TVP23A: variants seen among roughly 807,000 people sequenced by gnomAD.
TVP23A encodes the protein Golgi apparatus membrane protein TVP23 homolog A.
Under a neutral mutation model 31.7 loss-of-function variants are expected in TVP23A, and 21 were observed. The observed-to-expected ratio is 0.66, with a 90% CI of 0.47 to 0.95. The LOEUF is 0.95. Among genes scored for constraint, TVP23A ranks in the 40% least tolerant of loss-of-function variants. The pLI, the probability that TVP23A is intolerant of heterozygous loss-of-function variation, is 0.00. For synonymous variants in TVP23A, 104 were observed against 96.0 expected, an observed-to-expected ratio of 1.08 and a Z score of -0.49; for missense variants, 279 against 255.6, an observed-to-expected ratio of 1.09 and a Z score of -0.62.
chr16:10,790,218 A>C (rs2033020349), intron 2 of TVP23A, among the ~76,000 whole-genome samples: 1 of 152,024 alleles, frequency 6.6e-6, no homozygotes, highest in Non-Finnish European at 1.5e-5. Flanking sequence ...ATTTTCCCCC[A>C]CAAAGAATGG....
intron 2 of TVP23A, among the ~76,000 whole-genome samples, chr16:10,809,887 G>A (rs759729193): frequency 6.6e-6 from 1 of 152,218 alleles, no homozygotes; most frequent in African/African-American, 2.4e-5. Flanking sequence ...CTAGGTATGT[G>A]CCCAAAAGAA....
At position 10,767,357 on chromosome 16, in the gene TVP23A, A is replaced by C. The variant is rs2031041862; in HGVS notation, c.*1745T>G. The C allele has an allele frequency of 5.0e-6, 2 of 399,636 alleles. No individual in the cohort carries two copies. The highest frequency in any genetic ancestry group is 8.8e-6 in the Non-Finnish European group (2 of 226,926). 24.8% of individuals were successfully genotyped at this position (399,636 alleles called of 1,614,324 possible). ...GGCCACATGGCGGGGAAAGACTAGC[A>C]GACTGATAGACACCAGCACAGATGA... On this transcript the variant is annotated 3_prime_UTR_variant, in exon 8 of 8. Coordinates refer to ENST00000299866, the MANE Select transcript of TVP23A (RefSeq NM_001079512.4). The surrounding 1 kb of genome is among the most constrained non-coding windows in gnomAD (Gnocchi z 4.6).
At position 10,792,909 on chromosome 16, in the gene TVP23A, T is replaced by G. The variant is rs191868716; in HGVS notation, c.90-17813A>C. Among the ~76,000 whole-genome samples, 320 of 152,346 alleles carry G rather than the reference T, an allele frequency of 2.1e-3. 1 individual carries two copies. Among genetic ancestry groups the G allele is most frequent in the African/African-American group, 7.3e-3 (303 of 41,578 alleles). ...ATTCAAAGGTCAGCACAATAGAGGT[T>G]TATGTGTAGAAGTGAATAAAAGAAC... On this transcript the variant is annotated intron_variant, in intron 2 of 7. Coordinates refer to ENST00000299866, the MANE Select transcript of TVP23A (RefSeq NM_001079512.4).
Position 10,767,897 on chromosome 16 carries a change from C to A in TVP23A, c.*1205G>T. On this transcript the variant is annotated 3_prime_UTR_variant, in exon 8 of 8. Transcript: ENST00000299866. This position sits in a 1 kb window ranked among gnomAD's most constrained non-coding sequence, Gnocchi z 4.6. ...GGAAAGAGCCCCAAGATCTTGTGGCCATTCTGTTTTCCTCTTGGACTGAAT... is the reference window on the plus strand; with the variant it reads ...GGAAAGAGCCCCAAGATCTTGTGGCAATTCTGTTTTCCTCTTGGACTGAAT... 6.6e-7 allele frequency: 1 copy of A among 1,521,756 alleles called. No homozygotes were observed. Among genetic ancestry groups the A allele is most frequent in the South Asian group, 1.1e-5 (1 of 89,166 alleles). The allele number at this position is 1,521,756 out of a possible 1,614,324, so 94.3% of individuals were successfully genotyped here. A position where few individuals can be genotyped will look rare whatever the true frequency, so the allele number is the denominator to read the frequency against.
At chr16:10,782,690 G>C (rs187704118) in intron 2 of TVP23A, among the ~76,000 whole-genome samples, 13 of 152,224 alleles carry the variant, frequency 8.5e-5, no homozygotes, top group African/African-American at 2.9e-4. Context: ...TTTTTGTAGA[G>C]ATGGGATCTC....
intron 2 of TVP23A, among the ~76,000 whole-genome samples, chr16:10,816,925 TCACACACACACACACACACACA>T: frequency 6.9e-6 from 1 of 145,910 alleles, no homozygotes; most frequent in Non-Finnish European, 1.5e-5. Flanking sequence ...CAGGGAAACT[TCACACACACACACACACACACA>T]CACACACACA....
chr16:10,783,105 T>A (rs983765043), intron 2 of TVP23A, among the ~76,000 whole-genome samples: 1 of 152,156 alleles, frequency 6.6e-6, no homozygotes, highest in African/African-American at 2.4e-5. Context: ...GGAAGGGATA[T>A]GAGGGAGACT....
chr16:10,778,422 C>A (rs1312756688), intron 2 of TVP23A, among the ~76,000 whole-genome samples: 1 of 152,108 alleles, frequency 6.6e-6, no homozygotes, highest in Non-Finnish European at 1.5e-5. Flanking sequence ...TTGCTGTAAA[C>A]CTAATTGAGA....
downstream of TVP23A, chr16:10,757,798 T>TAA: frequency 9.8e-6 from 12 of 1,221,694 alleles, no homozygotes; most frequent in South Asian, 3.1e-5. The surrounding 1 kb of genome is among the most constrained non-coding windows in gnomAD (Gnocchi z 4.1). Context: ...CCCCATCCTT[T>TAA]AAAAAAAAAA....
At chr16:10,791,736 T>C (rs1365927009) in intron 2 of TVP23A, among the ~76,000 whole-genome samples, 1 of 152,186 alleles carries the variant, frequency 6.6e-6, no homozygotes, top group Non-Finnish European at 1.5e-5. Context: ...GCCTCCTGAG[T>C]AGCTGGGACT....
intron 2 of TVP23A, among the ~76,000 whole-genome samples, chr16:10,785,339 G>A (rs1447489294): frequency 6.6e-6 from 1 of 152,098 alleles, no homozygotes; most frequent in East Asian, 1.9e-4. Flanking sequence ...GGGAGGTGGA[G>A]GTTGCAGTGA....
chr16:10,767,960 G>T lies in TVP23A; in HGVS notation c.*1142C>A, dbSNP rs781411477. 3.1e-6 allele frequency: 5 copies of T among 1,614,108 alleles called. No homozygotes were observed. Among genetic ancestry groups the T allele is most frequent in the Non-Finnish European group, 4.2e-6 (5 of 1,180,004 alleles). ...GTTTCTTTTTTAAGGTAAGAATTGT[G>T]ACAAAGGCCAGTCTTTTTTCATTGA... On this transcript the variant is annotated 3_prime_UTR_variant, in exon 8 of 8. Transcript: ENST00000299866. The surrounding 1 kb of genome is among the most constrained non-coding windows in gnomAD (Gnocchi z 4.6).
At position 10,766,863 on chromosome 16, in the gene TVP23A, G is replaced by C. The variant is rs775337189; in HGVS notation, c.*2239C>G. ...AGTTACAAAGTCATTTACGGCATAC[G>C]TCCTATGGAGAGGACATTTCCTGTT... is the stretch of plus-strand genomic sequence containing the variant. On this transcript the variant is annotated 3_prime_UTR_variant, in exon 8 of 8. Transcript: ENST00000299866. The surrounding 1 kb of genome is among the most constrained non-coding windows in gnomAD (Gnocchi z 4.8). 5.0e-6 allele frequency: 2 copies of C among 398,388 alleles called. No homozygotes were observed. The highest frequency in any genetic ancestry group is 4.4e-6 in the Non-Finnish European group (1 of 226,064). 24.7% of individuals were successfully genotyped at this position (398,388 alleles called of 1,614,324 possible). A position where few individuals can be genotyped will look rare whatever the true frequency, so the allele number is the denominator to read the frequency against.
chr16:10,797,263 G>C (rs912121171), intron 2 of TVP23A, among the ~76,000 whole-genome samples: 1 of 152,076 alleles, frequency 6.6e-6, no homozygotes, highest in Non-Finnish European at 1.5e-5. Flanking sequence ...GCCAGGCGCA[G>C]TGGTTCATGG....
At chr16:10,778,662 A>T (rs1367506300) in intron 2 of TVP23A, among the ~76,000 whole-genome samples, 1 of 101,782 alleles carries the variant, frequency 9.8e-6, no homozygotes, top group Admixed American at 9.4e-5. Flanking sequence ...ATACAAATGT[A>T]AAAAAAAAAA....
intron 2 of TVP23A, among the ~76,000 whole-genome samples, chr16:10,784,159 C>T (rs562167043): frequency 1.4e-3 from 213 of 151,986 alleles, no homozygotes; most frequent in African/African-American, 4.9e-3. Flanking sequence ...CATGGTGAAA[C>T]CCTGTCTCTA....
At chr16:10,783,462 G>C (rs376783797) in intron 2 of TVP23A, among the ~76,000 whole-genome samples, 3 of 152,262 alleles carry the variant, frequency 2.0e-5, no homozygotes, top group African/African-American at 7.2e-5. Context: ...GATCACTTGA[G>C]ACCAAGAGTT....
intron 2 of TVP23A, among the ~76,000 whole-genome samples, chr16:10,795,893 T>G (rs1322643290): frequency 2.0e-5 from 3 of 152,110 alleles, no homozygotes; most frequent in African/African-American, 7.2e-5. Flanking sequence ...GAAGACCACA[T>G]GCTGAAAACA....
rs546532103 is a variant in TVP23A at position 10,783,955 on chromosome 16, G to A, written c.90-8859C>T. ...GAGGGTGGGGAGGGATGCATAGGTG[G>A]AGCAGAGGGGACTTTTAGAGCTGGG... On this transcript the variant is annotated intron_variant, in intron 2 of 7. Coordinates refer to ENST00000299866, the MANE Select transcript of TVP23A (RefSeq NM_001079512.4). 1.6e-3 allele frequency among the ~76,000 whole-genome samples: 242 copies of A among 152,282 alleles called. 1 individual carries two copies. Among genetic ancestry groups the A allele is most frequent in the African/African-American group, 5.6e-3 (234 of 41,564 alleles).
Sources: allele counts gnomAD v4.1 joint callset (sites outside exome capture counted in the v4.1 genomes callset), GRCh38; gene constraint gnomAD v4.1.1; non-coding constraint Gnocchi (gnomAD v3.1); transcripts MANE v1.5; gene names NCBI Gene and HGNC (gene_info 2026-07-23, HGNC 2026-07-21).